The following MEMO1 variants were observed in gnomAD, a reference collection of about 807,000 sequenced individuals.
MEMO1 encodes the protein mediator of cell motility 1, also known as protein MEMO1.
A neutral mutation model predicts 45.2 loss-of-function variants in MEMO1; 6 were observed. The ratio of observed to expected loss-of-function variants is 0.13; its 90% CI spans 0.07 to 0.26. MEMO1 has a LOEUF of 0.26. Ranked by LOEUF, MEMO1 falls within the 10% of genes least tolerant of loss-of-function variation. MEMO1 has a pLI of 1.00. For missense variants in MEMO1, 184 were observed against 370.5 expected, an observed-to-expected ratio of 0.50 and a Z score of 4.13; for synonymous variants, 78 against 124.3, an observed-to-expected ratio of 0.63 and a Z score of 2.48.
chr2:31,919,399 C>T (rs1345158986), intron 5 of MEMO1, among the ~76,000 whole-genome samples: 4 of 152,098 alleles, frequency 2.6e-5, no homozygotes, highest in African/African-American at 4.8e-5. Context: ...GCAGTCTGCC[C>T]ATCTCAGCCT....
intron 2 of MEMO1, among the ~76,000 whole-genome samples, chr2:31,967,814 GTTT>G (rs1249863529): frequency 6.6e-6 from 1 of 152,038 alleles, no homozygotes; most frequent in Non-Finnish European, 1.5e-5. Context: ...TTAGTGGGAG[GTTT>G]TTTCCCCACT....
At chr2:31,962,401 A>G (rs908500459) in intron 2 of MEMO1, among the ~76,000 whole-genome samples, 3 of 152,064 alleles carry the variant, frequency 2.0e-5, no homozygotes, top group Non-Finnish European at 2.9e-5. Context: ...AAAAGAAGAA[A>G]AGAAAAGAAA....
At chr2:31,909,257 C>T (rs1049691934) in intron 6 of MEMO1, among the ~76,000 whole-genome samples, 1 of 152,080 alleles carries the variant, frequency 6.6e-6, no homozygotes, top group Non-Finnish European at 1.5e-5. Flanking sequence ...GAAGACCTAG[C>T]CAGAACAATT....
chr2:32,003,846 G>A (rs1673709513), intron 2 of MEMO1, among the ~76,000 whole-genome samples: 1 of 152,106 alleles, frequency 6.6e-6, no homozygotes, highest in Non-Finnish European at 1.5e-5. Flanking sequence ...GAGACCAGGA[G>A]TTTGAGACCA....
At chr2:31,887,366 G>GC (rs1246874174) in intron 7 of MEMO1, among the ~76,000 whole-genome samples, 1 of 152,054 alleles carries the variant, frequency 6.6e-6, no homozygotes, top group African/African-American at 2.4e-5. Context: ...GATCTATAAA[G>GC]CCCCCAAAAG....
intron 2 of MEMO1, among the ~76,000 whole-genome samples, chr2:32,000,572 G>A (rs547310226): frequency 1.9e-4 from 28 of 150,448 alleles, no homozygotes; most frequent in African/African-American, 6.8e-4. Flanking sequence ...CATCATGTTG[G>A]CCAGGCTGGT....
At chr2:31,967,888 C>G (rs535941409) in intron 2 of MEMO1, among the ~76,000 whole-genome samples, 13 of 152,110 alleles carry the variant, frequency 8.5e-5, no homozygotes, top group African/African-American at 3.1e-4. Flanking sequence ...AGTTATTGTG[C>G]AATTATTATA....
At chr2:31,944,314 T>G (rs370753449) in intron 2 of MEMO1, among the ~76,000 whole-genome samples, 15 of 152,346 alleles carry the variant, frequency 9.8e-5, no homozygotes, top group African/African-American at 3.6e-4. Flanking sequence ...TCTTTTCACC[T>G]TAAGCCTCAA....
At chr2:31,996,208 GAGAGAGAGAGAA>G (rs1223899902) in intron 2 of MEMO1, among the ~76,000 whole-genome samples, 2 of 150,666 alleles carry the variant, frequency 1.3e-5, no homozygotes, top group Non-Finnish European at 3.0e-5. Context: ...GACAGAGGGG[GAGAGAGAGAGAA>G]AGAGAGAGAG....
intron 5 of MEMO1, among the ~76,000 whole-genome samples, chr2:31,918,310 CAT>C (rs1681769562): frequency 6.6e-6 from 1 of 152,098 alleles, no homozygotes; most frequent in African/African-American, 2.4e-5. Flanking sequence ...GTATATGTTA[CAT>C]AGTTATATAA....
intron 2 of MEMO1, among the ~76,000 whole-genome samples, chr2:31,969,056 T>A (rs957980909): frequency 3.3e-5 from 5 of 151,884 alleles, no homozygotes; most frequent in African/African-American, 1.2e-4. Flanking sequence ...AATGTGATTT[T>A]AAATAAATGA....
chr2:31,904,976 G>A (rs1008870262), intron 6 of MEMO1, among the ~76,000 whole-genome samples: 11 of 152,226 alleles, frequency 7.2e-5, no homozygotes, highest in African/African-American at 2.2e-4. Context: ...GCTCATGCCT[G>A]TAATCCCAGC....
rs753835573 is a variant in MEMO1, at chr2:31,917,945, T to C, written c.418A>G (p.Thr140Ala). 6.2e-6 allele frequency: 10 copies of C among 1,608,580 alleles called. No individual in the cohort carries two copies. The highest frequency in any genetic ancestry group is 5.5e-5 in the South Asian group (5 of 90,654). The change falls in exon 6 of 10, where the codon ACA (threonine) becomes GCA (alanine). Residue 140 changes from threonine to alanine, a missense_variant. This residue lies in a region of MEMO1 where 97 missense variants were observed against 209.3 expected (regional missense o/e 0.46). Coordinates refer to ENST00000404530, the MANE Select transcript of MEMO1 (RefSeq NM_001301833.4). ...EHSIEMHLPY[T>A]AKAMESHKDE... is the part of the protein sequence containing the mutation. ...ATATACCTTTCCATGGCTTTAGCTG[T>C]ATAAGGCAAATGCATTTCAATACTG...
chr2:31,880,259 A>G lies in MEMO1; in HGVS notation c.657+3127T>C, dbSNP rs1429475983. Among the ~76,000 whole-genome samples the G allele has an allele frequency of 5.9e-5, 9 of 152,342 alleles. No homozygotes were observed. The South Asian group carries it at 1.2e-3, about 21-fold the overall frequency. On this transcript the variant is annotated intron_variant, in intron 8 of 9. Coordinates refer to ENST00000404530, the MANE Select transcript of MEMO1 (RefSeq NM_001301833.4). Reference sequence around the variant, plus strand: ...GCAACTGAGAACTAAACCTCAGAATAAAAAGACTAGAAGTCAAAGGAGAGT... The same window carrying G: ...GCAACTGAGAACTAAACCTCAGAATGAAAAGACTAGAAGTCAAAGGAGAGT...
intron 2 of MEMO1, among the ~76,000 whole-genome samples, chr2:31,994,925 C>T (rs111378185): frequency 7.9e-5 from 8 of 100,868 alleles, no homozygotes; most frequent in South Asian, 7.5e-4. Context: ...TCGTGCCTTG[C>T]GGTGGGGGTG....
chr2:31,912,403 CTCAGGAGGCTGAG>C (rs1324296527), intron 6 of MEMO1, among the ~76,000 whole-genome samples: 1 of 151,454 alleles, frequency 6.6e-6, no homozygotes, highest in East Asian at 1.9e-4. Context: ...ATCCCAGCCA[CTCAGGAGGCTGAG>C]GCAGGAGAAT....
intron 2 of MEMO1, among the ~76,000 whole-genome samples, chr2:31,958,601 T>C (rs996153043): frequency 3.9e-5 from 6 of 152,070 alleles, no homozygotes; most frequent in African/African-American, 1.2e-4. Context: ...ACCTCAATTT[T>C]GTAAAAGCCA....
intron 3 of MEMO1, among the ~76,000 whole-genome samples, chr2:31,942,275 C>T (rs1378448829): frequency 6.6e-6 from 1 of 152,056 alleles, no homozygotes; most frequent in East Asian, 1.9e-4. Flanking sequence ...AATTAAGTTG[C>T]TATTCCATGT....
intron 3 of MEMO1, among the ~76,000 whole-genome samples, chr2:31,933,702 G>A (rs568363435): frequency 3.1e-4 from 47 of 152,026 alleles, no homozygotes; most frequent in Admixed American, 2.0e-4. Context: ...CAATAATATG[G>A]AACATACACT....
Sources: gnomAD v4.1 joint callset for allele counts (sites outside exome capture counted in the v4.1 genomes callset) on GRCh38, gnomAD v4.1.1 for gene constraint, gnomAD v4.1.1 regional missense constraint, MANE v1.5 for transcripts, NCBI Gene and HGNC (gene_info 2026-07-23, HGNC 2026-07-21) for gene names.